Variants in MN1 observed in about 807,000 individuals in gnomAD.
The protein encoded by MN1 is transcriptional activator MN1.
A neutral mutation model predicts 86.9 loss-of-function variants in MN1; 19 were observed. That is an observed-to-expected ratio of 0.22 (90% confidence interval 0.15 to 0.32). The LOEUF is 0.32. Ranked by LOEUF, MN1 falls within the 10% of genes least tolerant of loss-of-function variation. The probability of loss-of-function intolerance (pLI) is 1.00; values close to 1 mark genes in which losing one functional copy is unlikely to be tolerated. For missense variants in MN1, 1,841 were observed against 1,862.0 expected, an observed-to-expected ratio of 0.99 and a Z score of 0.21; for synonymous variants, 928 against 849.6, an observed-to-expected ratio of 1.09 and a Z score of -1.60.
rs1298613909 is a variant in MN1 at position 27,801,707 on chromosome 22, G to A, written c.-1164C>T. Reference sequence around the variant, plus strand: ...TGCGTGGGGCGTTCCGAGGGTCTCGGCTCCCCTCTCTGTGTCTGCCTCTCG... The same window carrying A: ...TGCGTGGGGCGTTCCGAGGGTCTCGACTCCCCTCTCTGTGTCTGCCTCTCG... On this transcript the variant is annotated 5_prime_UTR_variant, in exon 1 of 2. Coordinates refer to ENST00000302326, the MANE Select transcript of MN1 (RefSeq NM_002430.3). 1.3e-5 allele frequency among the ~76,000 whole-genome samples: 2 copies of A among 152,200 alleles called. No homozygotes were observed. Among genetic ancestry groups the A allele is most frequent in the Non-Finnish European group, 2.9e-5 (2 of 68,030 alleles).
chr22:27,765,424 T>C (rs1209713774), intron 1 of MN1, among the ~76,000 whole-genome samples: 1 of 22,154 alleles, frequency 4.5e-5, no homozygotes, highest in Admixed American at 5.1e-4. Context: ...AAAAAAAAAG[T>C]CATTCCAGAA....
intron 1 of MN1, among the ~76,000 whole-genome samples, chr22:27,758,151 G>A (rs1015472248): frequency 5.9e-5 from 9 of 151,972 alleles, no homozygotes; most frequent in Middle Eastern, 3.2e-3. Flanking sequence ...CCAGTGCCTC[G>A]CAGCTTTGCA....
chr22:27,750,119 A>C lies in MN1; in HGVS notation c.*796T>G, dbSNP rs1932750615. ...GAAAACACTGCTGTCGAACATTCCA[A>C]CTCCTTCCCACAGAGCAGAGCTGGA... On this transcript the variant is annotated 3_prime_UTR_variant, in exon 2 of 2. Coordinates refer to ENST00000302326, the MANE Select transcript of MN1 (RefSeq NM_002430.3). 4.3e-6 allele frequency: 1 copy of C among 231,920 alleles called. No individual in the cohort carries two copies. Among genetic ancestry groups the C allele is most frequent in the Non-Finnish European group, 8.5e-6 (1 of 117,262 alleles). 14.4% of individuals were successfully genotyped at this position (231,920 alleles called of 1,614,324 possible).
intron 1 of MN1, among the ~76,000 whole-genome samples, chr22:27,771,278 G>C (rs1932912973): frequency 7.2e-6 from 1 of 138,402 alleles, no homozygotes; most frequent in African/African-American, 2.7e-5. Context: ...ATCCAGGCTG[G>C]AAGGCAGTGG....
chr22:27,800,052 G>C lies in MN1; in HGVS notation c.492C>G (p.Ser164Arg). 1.9e-6 allele frequency: 3 copies of C among 1,601,522 alleles called. No homozygotes were observed. The highest frequency in any genetic ancestry group is 2.5e-6 in the Non-Finnish European group (3 of 1,179,152). ...GGTTCCCCGGTCGCTGCGGGCCGAA[G>C]CTCTCAGGCCCCTGGCTCTCCGCCA... ...EHMAESQGPE[S>R]FGPQRPGNLP... The change falls in exon 1 of 2, where the codon AGC becomes AGG. Residue 164 changes from serine to arginine, a missense_variant. Transcript: ENST00000302326.
intron 1 of MN1, 60 bp downstream of exon 1, chr22:27,796,703 C>A: frequency 6.6e-7 from 1 of 1,510,440 alleles, no homozygotes; most frequent in Admixed American, 1.9e-5. Flanking sequence ...AAGGCTAAGT[C>A]CTGCCCTGGG....
In MN1 at chr22:27,801,322, C is replaced by G. The variant is rs1933436933; in HGVS notation, c.-779G>C. The G allele has an allele frequency of 9.1e-6, 2 of 219,476 alleles. No homozygotes were observed. Among genetic ancestry groups the G allele is most frequent in the Middle Eastern group, 1.4e-3 (1 of 698 alleles). 13.6% of individuals were successfully genotyped at this position (219,476 alleles called of 1,614,324 possible). A position where few individuals can be genotyped will look rare whatever the true frequency, so the allele number is the denominator to read the frequency against. ...GGAAAGGCGCGGCTCCTCTGCTCGG[C>G]AGCGGGTGCGCTGCGTTCGGCGCGC... On this transcript the variant is annotated 5_prime_UTR_variant, in exon 1 of 2. Transcript: ENST00000302326.
chr22:27,793,450 T>C (rs1391255137), intron 1 of MN1, among the ~76,000 whole-genome samples: 1 of 152,230 alleles, frequency 6.6e-6, no homozygotes, highest in Non-Finnish European at 1.5e-5. Flanking sequence ...ACCAATTTAA[T>C]TGATGTTTGA....
Position 27,798,601 on chromosome 22 carries a change from C to T in MN1, c.1943G>A (p.Gly648Asp). ...ACAGTCAGCGGGCAGACCCGAGCCGCCCATCCTACGGGGCAGCAGGTCTCC... is the reference window on the plus strand; with the variant it reads ...ACAGTCAGCGGGCAGACCCGAGCCGTCCATCCTACGGGGCAGCAGGTCTCC... ...PPGDLLPRRM[G>D]GSGLPADCGP... is the part of the protein sequence containing the mutation. Residue 648 changes from glycine (G) to aspartate (D), a missense_variant, in exon 1 of 2, where the codon GGC (glycine) becomes GAC (aspartate). Coordinates refer to ENST00000302326, the MANE Select transcript of MN1 (RefSeq NM_002430.3). The T allele has an allele frequency of 6.4e-7, 1 of 1,557,486 alleles. No individual in the cohort carries two copies. Among genetic ancestry groups the T allele is most frequent in the South Asian group, 1.2e-5 (1 of 85,138 alleles).
chr22:27,795,899 G>A (rs527963036), intron 1 of MN1, among the ~76,000 whole-genome samples: 17 of 152,276 alleles, frequency 1.1e-4, no homozygotes, highest in African/African-American at 3.9e-4. Context: ...TCCAGGCCTG[G>A]TGGGGAGGGG....
At chr22:27,753,702 G>C (rs1342354317) in intron 1 of MN1, among the ~76,000 whole-genome samples, 1 of 152,164 alleles carries the variant, frequency 6.6e-6, no homozygotes, top group Non-Finnish European at 1.5e-5. Flanking sequence ...ACCCCACCCA[G>C]GGCTTCCTGG....
chr22:27,789,123 G>T (rs1201726832), intron 1 of MN1, among the ~76,000 whole-genome samples: 1 of 152,142 alleles, frequency 6.6e-6, no homozygotes, highest in Non-Finnish European at 1.5e-5. Flanking sequence ...GTTAGTCCAC[G>T]TTTCCTCCAA....
chr22:27,767,293 C>T (rs988573223), intron 1 of MN1, among the ~76,000 whole-genome samples: 1 of 152,134 alleles, frequency 6.6e-6, no homozygotes, highest in Non-Finnish European at 1.5e-5. Context: ...CTTTTCAAGG[C>T]TTCCTGGGTG....
chr22:27,755,907 C>T (rs1932799211), intron 1 of MN1, among the ~76,000 whole-genome samples: 1 of 152,226 alleles, frequency 6.6e-6, no homozygotes, highest in Non-Finnish European at 1.5e-5. Context: ...ATTCGTGGAG[C>T]AAGGAACTTT....
intron 1 of MN1, among the ~76,000 whole-genome samples, chr22:27,788,794 C>G (rs1933173869): frequency 2.0e-5 from 3 of 152,094 alleles, no homozygotes; most frequent in South Asian, 4.2e-4. Context: ...CAAATAGGAC[C>G]AAGAAAACCA....
rs892182597 is a variant in MN1, at chr22:27,798,290, C to A, written c.2254G>T (p.Gly752Cys). Reference sequence around the variant, plus strand: ...CCGCTGTGCGGCGTGGACTGCCGGCCGGCTGCACCAAACGGAAAGCCCGGC... The same window carrying A: ...CCGCTGTGCGGCGTGGACTGCCGGCAGGCTGCACCAAACGGAAAGCCCGGC... ...GQPGFPFGAAGRQSTPHSGPG... is the reference protein window; with the variant it reads ...GQPGFPFGAACRQSTPHSGPG... The change falls in exon 1 of 2, where the codon GGC becomes TGC. Residue 752 changes from glycine to cysteine, a missense_variant. Physicochemically the swap from Gly to Cys is radical, Grantham distance 159 (BLOSUM62 -3). Transcript: ENST00000302326. 1.3e-6 allele frequency: 2 copies of A among 1,525,772 alleles called. No homozygotes were observed. The highest frequency in any genetic ancestry group is 1.7e-6 in the Non-Finnish European group (2 of 1,146,754). The allele number at this position is 1,525,772 out of a possible 1,614,324, so 94.5% of individuals were successfully genotyped here.
intron 1 of MN1, among the ~76,000 whole-genome samples, chr22:27,794,811 GTT>G (rs1260139693): frequency 2.2e-4 from 14 of 63,480 alleles, no homozygotes; most frequent in African/African-American, 7.7e-4. Context: ...TTAAATCAGG[GTT>G]GTTGTTTTTT....
intron 1 of MN1, 136 bp from the exon 2 acceptor site, chr22:27,751,232 G>T: frequency 1.7e-6 from 1 of 577,568 alleles, no homozygotes; most frequent in Non-Finnish European, 2.8e-6. Flanking sequence ...GCTGGTCCCA[G>T]AGGATCTAGA....
rs140269945 is a variant in MN1 at position 27,784,098 on chromosome 22, G to A, written c.3781+12665C>T. ...GCCCCTCAGAGGGTACTCGGGAGCT[G>A]GAAGCAGCCCCTTTCCCAGAAGTCG... On this transcript the variant is annotated intron_variant, in intron 1 of 1. Transcript: ENST00000302326. Among the ~76,000 whole-genome samples, 833 of 152,340 alleles carry A rather than the reference G, an allele frequency of 5.5e-3. 7 individuals carry two copies. Among genetic ancestry groups the A allele is most frequent in the African/African-American group, 0.018 (760 of 41,582 alleles).
Sources: gnomAD v4.1 joint callset for allele counts (sites outside exome capture counted in the v4.1 genomes callset) on GRCh38, gnomAD v4.1.1 for gene constraint, MANE v1.5 for transcripts, NCBI Gene and HGNC (gene_info 2026-07-23, HGNC 2026-07-21) for gene names.